The following RGS10 variants were observed in gnomAD, a reference collection of about 807,000 sequenced individuals.
RGS10 encodes regulator of G-protein signalling 10.
RGS10 carries 11 observed loss-of-function variants against 23.5 expected under a neutral mutation model. The ratio of observed to expected loss-of-function variants is 0.47; its 90% CI spans 0.29 to 0.77. The LOEUF is 0.77. Among genes scored for constraint, RGS10 ranks in the 30% least tolerant of loss-of-function variants. RGS10 has a pLI of 0.08. For missense variants in RGS10, 180 were observed against 226.3 expected (o/e 0.80, Z 1.31); for synonymous variants, 77 against 83.2 (o/e 0.92, Z 0.41).
chr10:119,528,133 C>A (rs1029186608), intron 1 of RGS10, among the ~76,000 whole-genome samples: 1 of 152,036 alleles, frequency 6.6e-6, no homozygotes, highest in Non-Finnish European at 1.5e-5. Context: ...TAGATTCAAG[C>A]GATTCTCCTG....
At position 119,542,665 on chromosome 10, in the gene RGS10, G is replaced by A; in HGVS notation, c.-27C>T. ...GCCGCGGGCGCCCGAGGAGGAAGAA[G>A]GAGCAGCCCGGCGGCGCGGCGGCTG... On this transcript the variant is annotated 5_prime_UTR_variant, in exon 1 of 5. Transcript: ENST00000369103. The A allele has an allele frequency of 7.4e-7, 1 of 1,356,888 alleles. No individual in the cohort carries two copies. The highest frequency in any genetic ancestry group is 9.5e-7 in the Non-Finnish European group (1 of 1,054,686). 84.1% of individuals were successfully genotyped at this position (1,356,888 alleles called of 1,614,324 possible).
intron 4 of RGS10, among the ~76,000 whole-genome samples, chr10:119,508,270 G>T (rs1844038027): frequency 6.6e-6 from 1 of 152,188 alleles, no homozygotes; most frequent in Admixed American, 6.6e-5. Context: ...AAAGTGCTGG[G>T]ATTATAGGCA....
chr10:119,512,142 G>C (rs1334524301), intron 4 of RGS10, among the ~76,000 whole-genome samples: 3 of 134,430 alleles, frequency 2.2e-5, no homozygotes, highest in East Asian at 2.1e-4. Flanking sequence ...GGTGATGAGG[G>C]GCTAAGTTCG....
intron 1 of RGS10, among the ~76,000 whole-genome samples, chr10:119,536,226 T>C (rs1212204966): frequency 6.6e-6 from 1 of 152,202 alleles, no homozygotes; most frequent in Non-Finnish European, 1.5e-5. Flanking sequence ...ATAGCCAGCA[T>C]CCAAGTCAGG....
chr10:119,508,925 C>T (rs1270287527), intron 4 of RGS10, among the ~76,000 whole-genome samples: 1 of 151,858 alleles, frequency 6.6e-6, no homozygotes, highest in African/African-American at 2.4e-5. Context: ...AGTAAGACCC[C>T]ATCCCTAGAA....
intron 3 of RGS10, 127 bp downstream of exon 3, chr10:119,525,905 C>T: frequency 3.9e-6 from 2 of 512,656 alleles, no homozygotes; most frequent in Non-Finnish European, 7.0e-6. Context: ...CACAAGATAC[C>T]TAATCTGAAG....
intron 4 of RGS10, among the ~76,000 whole-genome samples, chr10:119,512,661 C>A (rs910558359): frequency 1.3e-5 from 2 of 152,156 alleles, no homozygotes; most frequent in Non-Finnish European, 2.9e-5. Context: ...AGTTCTCCTG[C>A]CTCAGCCTCC....
intron 4 of RGS10, among the ~76,000 whole-genome samples, chr10:119,505,416 G>A (rs997905996): frequency 6.0e-5 from 9 of 149,226 alleles, no homozygotes; most frequent in African/African-American, 2.2e-4. Context: ...CTGCACGCCT[G>A]GACTGTAAAC....
chr10:119,512,789 C>T (rs1844094001), intron 4 of RGS10, among the ~76,000 whole-genome samples: 1 of 152,236 alleles, frequency 6.6e-6, no homozygotes, highest in Non-Finnish European at 1.5e-5. Context: ...CTCAGGTGAT[C>T]CACACGCCTT....
chr10:119,542,448 C>A (rs1327031378), intron 1 of RGS10, 142 bp downstream of exon 1: 9 of 629,796 alleles, frequency 1.4e-5, no homozygotes, highest in Non-Finnish European at 2.1e-5. Flanking sequence ...CGGTACCCAG[C>A]GGGGAGAGGT....
At chr10:119,509,281 A>G (rs1338552753) in intron 4 of RGS10, among the ~76,000 whole-genome samples, 1 of 152,124 alleles carries the variant, frequency 6.6e-6, no homozygotes, top group African/African-American at 2.4e-5. Context: ...ACAATCTCAC[A>G]GTAACTAAAT....
At chr10:119,542,515 A>G (rs369287392) in intron 1 of RGS10, 75 bp downstream of exon 1, 13 of 1,274,864 alleles carry the variant, frequency 1.0e-5, no homozygotes, top group East Asian at 6.3e-5. Context: ...GCCCGAGCAC[A>G]AGAGGGAGGG....
chr10:119,500,252 T>C lies in RGS10; in HGVS notation c.407A>G (p.Asn136Ser), dbSNP rs1460253181. ...MFQKLQDQIFNLMKYDSYSRF... is the reference protein window; with the variant it reads ...MFQKLQDQIFSLMKYDSYSRF... ...GCTGTAGCTGTCGTACTTCATGAGA[T>C]TAAAGATCTAAGGAGGAAAAGAAAA... is the stretch of plus-strand genomic sequence containing the variant. Residue 136 changes from asparagine (N) to serine (S), a missense_variant, in exon 5 of 5, where the codon AAT (asparagine) becomes AGT (serine). By Grantham distance (46) the Asn-to-Ser change is conservative (BLOSUM62 1). Transcript: ENST00000369103. The C allele has an allele frequency of 1.2e-6, 2 of 1,609,548 alleles. No individual in the cohort carries two copies. The highest frequency in any genetic ancestry group is 2.7e-5 in the African/African-American group (2 of 74,634).
chr10:119,520,274 G>A lies in RGS10; in HGVS notation c.256-4622C>T, dbSNP rs1054469596. On this transcript the variant is annotated intron_variant, in intron 3 of 4. Transcript: ENST00000369103. ...CTGGCTCAGGAAATGAGAAGCAGTC[G>A]GAGACACAGCAGATGACTCTGCAGA... is the stretch of plus-strand genomic sequence containing the variant. Among the ~76,000 whole-genome samples, 30 of 152,338 alleles carry A rather than the reference G, an allele frequency of 2.0e-4. 1 individual carries two copies. The highest frequency in any genetic ancestry group is 1.6e-3 in the Admixed American group (24 of 15,310).
At chr10:119,519,488 C>G (rs1844187139) in intron 3 of RGS10, among the ~76,000 whole-genome samples, 1 of 133,076 alleles carries the variant, frequency 7.5e-6, no homozygotes. Flanking sequence ...CTCCTGTCTC[C>G]CTGTCTCCCA....
intron 4 of RGS10, among the ~76,000 whole-genome samples, chr10:119,514,877 A>C (rs1005630350): frequency 2.0e-5 from 3 of 152,006 alleles, no homozygotes; most frequent in African/African-American, 7.3e-5. Context: ...TTCACCATAC[A>C]TTCCACTCCC....
intron 4 of RGS10, among the ~76,000 whole-genome samples, chr10:119,511,733 A>G (rs1210428384): frequency 2.0e-5 from 3 of 152,098 alleles, no homozygotes; most frequent in Admixed American, 6.5e-5. Flanking sequence ...CTCACTTATC[A>G]TGTCACTGTC....
Position 119,527,262 on chromosome 10 carries a change from T to C in RGS10, c.168+44A>G. On this transcript the variant is annotated intron_variant, in intron 2 of 4. Transcript: ENST00000369103. This position sits in a 1 kb window ranked among gnomAD's most constrained non-coding sequence, Gnocchi z 4.2. The stretch of plus-strand genomic sequence containing the variant: ...TCTCCCCTGTGTGCATCTGAACTTC[T>C]GCACACACTGCATCCATCCCGATTA... 7.0e-7 allele frequency: 1 copy of C among 1,429,892 alleles called. No individual in the cohort carries two copies. The highest frequency in any genetic ancestry group is 9.8e-7 in the Non-Finnish European group (1 of 1,017,224). 88.6% of individuals were successfully genotyped at this position (1,429,892 alleles called of 1,614,324 possible). A position where few individuals can be genotyped will look rare whatever the true frequency, so the allele number is the denominator to read the frequency against.
chr10:119,516,730 C>T (rs1267476569), intron 3 of RGS10, among the ~76,000 whole-genome samples: 1 of 152,182 alleles, frequency 6.6e-6, no homozygotes, highest in East Asian at 1.9e-4. Flanking sequence ...GGCTCAGGAG[C>T]ACTCACTGAT....
Sources: allele counts gnomAD v4.1 joint callset (sites outside exome capture counted in the v4.1 genomes callset), GRCh38; gene constraint gnomAD v4.1.1; non-coding constraint Gnocchi (gnomAD v3.1); transcripts MANE v1.5; gene names NCBI Gene and HGNC (gene_info 2026-07-23, HGNC 2026-07-21).